Variants in ZFHX3 observed in about 807,000 individuals in gnomAD.
The protein encoded by ZFHX3 is zinc finger homeobox protein 3.
ZFHX3 carries 42 observed loss-of-function variants against 279.1 expected under a neutral mutation model. The observed-to-expected ratio is 0.15, with a 90% CI of 0.12 to 0.19. ZFHX3 has a LOEUF of 0.19. Ranked by LOEUF, ZFHX3 falls within the 10% of genes least tolerant of loss-of-function variation. ZFHX3 has a pLI of 1.00. For missense variants in ZFHX3, 4,981 were observed against 4,754.0 expected (o/e 1.05, Z -1.40); for synonymous variants, 2,293 against 1,957.8 (o/e 1.17, Z -4.52).
intron 3 of ZFHX3, among the ~76,000 whole-genome samples, chr16:73,453,349 CTG>C (rs1290510502): frequency 2.0e-5 from 3 of 152,214 alleles, no homozygotes; most frequent in Non-Finnish European, 2.9e-5. Context: ...GAAGAGGTGA[CTG>C]TGCCAGTTTG....
Position 72,796,217 on chromosome 16 carries a change from A to G in ZFHX3, c.6465T>C (p.Asp2155=), listed in dbSNP as rs896793033. ...AATATTGCCGCAAGACTCGGAGCTG[A>G]TCATCTGTGATCCTGGTGCGAGGCC... ...NKRPRTRITD[D]QLRVLRQYFD... Residue 2155 remains aspartate (D), a synonymous_variant, in exon 9 of 10, where the codon GAT becomes GAC. Transcript: ENST00000268489. The G allele has an allele frequency of 6.2e-7, 1 of 1,614,058 alleles. No homozygotes were observed. The highest frequency in any genetic ancestry group is 1.3e-5 in the African/African-American group (1 of 74,984).
intron 1 of ZFHX3, among the ~76,000 whole-genome samples, chr16:73,816,928 T>G (rs999390514): frequency 6.6e-6 from 1 of 152,082 alleles, no homozygotes; most frequent in Non-Finnish European, 1.5e-5. Context: ...AGAAATCCAA[T>G]GAGGTTGCAG....
chr16:73,150,544 T>C (rs1966915972), intron 5 of ZFHX3, among the ~76,000 whole-genome samples: 1 of 152,188 alleles, frequency 6.6e-6, no homozygotes, highest in Non-Finnish European at 1.5e-5. Flanking sequence ...AGAAAAGAAA[T>C]AGAACCCATA....
chr16:72,943,006 C>G lies in ZFHX3; in HGVS notation c.3216+7463G>C, dbSNP rs549944553. On this transcript the variant is annotated intron_variant, in intron 3 of 9. Coordinates refer to ENST00000268489, the MANE Select transcript of ZFHX3 (RefSeq NM_006885.4). ...CCCTTCTTCTTGTTCCCCAGTGTCT[C>G]CGAAGACAGTATTCCGTAAATATGT... is the stretch of plus-strand genomic sequence containing the variant. 3.7e-4 allele frequency among the ~76,000 whole-genome samples: 56 copies of G among 152,276 alleles called. 1 individual carries two copies. Among genetic ancestry groups the G allele is most frequent in the African/African-American group, 1.1e-3 (47 of 41,554 alleles).
At chr16:73,312,336 A>T (rs2015346422) in intron 4 of ZFHX3, among the ~76,000 whole-genome samples, 1 of 152,212 alleles carries the variant, frequency 6.6e-6, no homozygotes, top group South Asian at 2.1e-4. Context: ...AGCTGGCACT[A>T]ATCACTGATG....
At chr16:73,066,467 C>T (rs1327051045) in intron 8 of ZFHX3, among the ~76,000 whole-genome samples, 1 of 152,188 alleles carries the variant, frequency 6.6e-6, no homozygotes, top group Non-Finnish European at 1.5e-5. Context: ...GGGAGGAAGC[C>T]TCGGGCCCTC....
intron 1 of ZFHX3, among the ~76,000 whole-genome samples, chr16:73,848,748 G>A (rs17331301): frequency 0.15 from 23,048 of 152,108 alleles, 2,252 homozygotes; most frequent in Non-Finnish European, 0.23. Context: ...TGTTGGTGAC[G>A]GAACTTAGTA....
chr16:73,606,993 A>AAAC lies in ZFHX3; in HGVS notation c.-1547+73184_-1547+73186dup, dbSNP rs58670861. Among the ~76,000 whole-genome samples the AAAC allele has an allele frequency of 1.4e-4, 21 of 151,482 alleles. No individual in the cohort carries two copies. In the East Asian group the frequency reaches 2.3e-3, roughly 17 times the overall value. ...ACTCCATCTCAGAAAACAAACAAAC[A>AAAC]AACAACAACAACAAAAACAAATAAA... On this transcript the variant is annotated intron_variant, in intron 2 of 17. Coordinates refer to the ZFHX3 transcript ENST00000641206.
At chr16:72,834,418 C>T (rs986575925) in intron 4 of ZFHX3, among the ~76,000 whole-genome samples, 2 of 152,210 alleles carry the variant, frequency 1.3e-5, no homozygotes, top group African/African-American at 4.8e-5. Flanking sequence ...TAAATACCTT[C>T]TAAAGGGGAA....
At chr16:73,727,358 C>T (rs892001980) in intron 1 of ZFHX3, among the ~76,000 whole-genome samples, 7 of 152,280 alleles carry the variant, frequency 4.6e-5, no homozygotes, top group African/African-American at 1.2e-4. Context: ...CTGGGGTAAC[C>T]GAGTATGGTG....
intron 4 of ZFHX3, among the ~76,000 whole-genome samples, chr16:73,292,177 C>T (rs2014789047): frequency 6.6e-6 from 1 of 152,088 alleles, no homozygotes; most frequent in Non-Finnish European, 1.5e-5. Flanking sequence ...TGTTAGAAGA[C>T]AGAAGGAAAT....
intron 4 of ZFHX3, among the ~76,000 whole-genome samples, chr16:73,285,618 A>G (rs1000990819): frequency 2.0e-4 from 30 of 152,190 alleles, no homozygotes; most frequent in Admixed American, 7.2e-4. Flanking sequence ...CATGAAATGC[A>G]TATTTTTTGA....
chr16:72,834,291 T>C (rs1214783621), intron 4 of ZFHX3, among the ~76,000 whole-genome samples: 1 of 152,160 alleles, frequency 6.6e-6, no homozygotes, highest in Non-Finnish European at 1.5e-5. Flanking sequence ...CACCTCCTTT[T>C]TACAACTGCT....
chr16:73,314,368 C>G (rs1046001537), intron 4 of ZFHX3, among the ~76,000 whole-genome samples: 14 of 152,168 alleles, frequency 9.2e-5, no homozygotes, highest in Non-Finnish European at 1.5e-4. Flanking sequence ...CCTTTTCTGC[C>G]TGTACCTTTC....
intron 2 of ZFHX3, among the ~76,000 whole-genome samples, chr16:73,617,038 A>G (rs2052311694): frequency 6.6e-6 from 1 of 152,186 alleles, no homozygotes; most frequent in Non-Finnish European, 1.5e-5. Flanking sequence ...TGTCAACTCT[A>G]TTAATCATAA....
At chr16:73,842,839 C>A (rs905413769) in intron 1 of ZFHX3, among the ~76,000 whole-genome samples, 1 of 152,092 alleles carries the variant, frequency 6.6e-6, no homozygotes, top group Non-Finnish European at 1.5e-5. Flanking sequence ...CCCCACCCAC[C>A]GCCACCTCCC....
chr16:73,787,932 C>A (rs1959702691), intron 1 of ZFHX3, among the ~76,000 whole-genome samples: 1 of 151,772 alleles, frequency 6.6e-6, no homozygotes, highest in African/African-American at 2.4e-5. Context: ...CAGGGCCCAG[C>A]AGGAAGCAAT....
intron 2 of ZFHX3, among the ~76,000 whole-genome samples, chr16:73,556,821 C>T (rs182206247): frequency 1.1e-4 from 17 of 151,978 alleles, no homozygotes; most frequent in East Asian, 5.8e-4. Flanking sequence ...TGAGGCCGGG[C>T]GCGGTGGCTC....
At chr16:73,346,278 T>C (rs2016122125) in intron 3 of ZFHX3, among the ~76,000 whole-genome samples, 1 of 152,206 alleles carries the variant, frequency 6.6e-6, no homozygotes. Flanking sequence ...CACTGAAAGC[T>C]TGTCTTTGAA....
Sources: allele counts gnomAD v4.1 joint callset (sites outside exome capture counted in the v4.1 genomes callset), GRCh38; gene constraint gnomAD v4.1.1; transcripts MANE v1.5; gene names NCBI Gene and HGNC (gene_info 2026-07-23, HGNC 2026-07-21).